PCDHGA12: variants seen among roughly 807,000 people sequenced by gnomAD.
PCDHGA12 encodes protocadherin gamma subfamily A, 12, also known as protocadherin gamma-A12.
Under a neutral mutation model 61.1 loss-of-function variants are expected in PCDHGA12, and 43 were observed. That is an observed-to-expected ratio of 0.70 (90% CI 0.55 to 0.91). The LOEUF is 0.91. Among genes scored for constraint, PCDHGA12 ranks in the 40% least tolerant of loss-of-function variants. PCDHGA12 has a pLI of 0.00. For missense variants in PCDHGA12, 1,236 were observed against 1,227.7 expected (o/e 1.01, Z -0.10); for synonymous variants, 520 against 542.9 (o/e 0.96, Z 0.59).
intron 1 of PCDHGA12, chr5:141,478,583 C>CT (rs754743497): frequency 5.7e-6 from 9 of 1,578,146 alleles, no homozygotes; most frequent in South Asian, 1.1e-5. Flanking sequence ...CCTGTTAGTG[C>CT]TTTTTTATTC....
At chr5:141,436,632 G>T (rs763510513) in intron 1 of PCDHGA12, among the ~76,000 whole-genome samples, 2 of 152,130 alleles carry the variant, frequency 1.3e-5, no homozygotes, top group Non-Finnish European at 2.9e-5. Context: ...TTCACAACAT[G>T]CAATTAATTA....
chr5:141,500,894 C>G (rs1221911920), intron 2 of PCDHGA12, among the ~76,000 whole-genome samples: 1 of 150,982 alleles, frequency 6.6e-6, no homozygotes, highest in African/African-American at 2.4e-5. Flanking sequence ...TTTTTTGAGA[C>G]AGTCTCGCTC....
Position 141,490,483 on chromosome 5 carries a change from G to A in PCDHGA12, c.2425-4324G>A. On this transcript the variant is annotated intron_variant, in intron 1 of 3. Transcript: ENST00000252085. The surrounding 1 kb of genome is among the most constrained non-coding windows in gnomAD (Gnocchi z 5.4). ...GCTAACCAGCCAGCCTTTGGACCGG[G>A]AGGCCACATCCCACTATATCATCGA... 2.5e-6 allele frequency: 4 copies of A among 1,614,198 alleles called. No individual in the cohort carries two copies. Among genetic ancestry groups the A allele is most frequent in the Non-Finnish European group, 3.4e-6 (4 of 1,180,046 alleles).
intron 1 of PCDHGA12, among the ~76,000 whole-genome samples, chr5:141,435,604 A>T (rs1361568996): frequency 6.6e-6 from 1 of 152,180 alleles, no homozygotes. Flanking sequence ...CCTGCTTTTT[A>T]CATTAAATTC....
In PCDHGA12 at chr5:141,511,421, G is replaced by A. The variant is rs1289887363; in HGVS notation, c.*248G>A. 19 of 829,148 alleles carry A rather than the reference G, an allele frequency of 2.3e-5. No individual in the cohort carries two copies. The highest frequency in any genetic ancestry group is 3.8e-4 in the Middle Eastern group (1 of 2,640). 51.4% of individuals were successfully genotyped at this position (829,148 alleles called of 1,614,324 possible). On this transcript the variant is annotated 3_prime_UTR_variant, in exon 4 of 4. Coordinates refer to ENST00000252085, the MANE Select transcript of PCDHGA12 (RefSeq NM_003735.3). The stretch of plus-strand genomic sequence containing the variant: ...CCAATCAACTGCTGTACCCATGGGG[G>A]TAGTGGGGTTACTGTAGACACCAAG...
rs777780708 is a variant in PCDHGA12, at chr5:141,489,934, G to C, written c.2425-4873G>C. ...AGGGACCACCCTTATCTCTGTCATC[G>C]TGCTGGACATCAATGATAATGCTCC... On this transcript the variant is annotated intron_variant, in intron 1 of 3. Transcript: ENST00000252085. The surrounding 1 kb of genome is among the most constrained non-coding windows in gnomAD (Gnocchi z 4.5). The C allele has an allele frequency of 1.4e-5, 23 of 1,614,176 alleles. No homozygotes were observed. Among genetic ancestry groups the C allele is most frequent in the Non-Finnish European group, 1.8e-5 (21 of 1,180,030 alleles).
Position 141,477,858 on chromosome 5 carries a change from C to T in PCDHGA12, c.2425-16949C>T. 2 of 1,613,572 alleles carry T rather than the reference C, an allele frequency of 1.2e-6. No individual in the cohort carries two copies. Among genetic ancestry groups the T allele is most frequent in the Non-Finnish European group, 1.7e-6 (2 of 1,179,842 alleles). ...GGTGGGAGCTCGGTGGAGATGCTGC[C>T]TCGAGGTACCTCAGCTGGCCACCTA... On this transcript the variant is annotated intron_variant, in intron 1 of 3. Transcript: ENST00000252085. This position sits in a 1 kb window ranked among gnomAD's most constrained non-coding sequence, Gnocchi z 4.9.
rs766638463 is a variant in PCDHGA12 at position 141,476,525 on chromosome 5, A to G, written c.2425-18282A>G. ...CAACGACAACAATCCTGCTTTCCCT[A>G]CCCAGGAAATGAAATTGGAGATTAG... On this transcript the variant is annotated intron_variant, in intron 1 of 3. Transcript: ENST00000252085. This position sits in a 1 kb window ranked among gnomAD's most constrained non-coding sequence, Gnocchi z 7.6. 6 of 1,613,950 alleles carry G rather than the reference A, an allele frequency of 3.7e-6. No homozygotes were observed. The African/African-American group carries it at 6.7e-5, about 18-fold the overall frequency.
chr5:141,472,979 T>TAAAA (rs2099307936), intron 1 of PCDHGA12, among the ~76,000 whole-genome samples: 1 of 21,094 alleles, frequency 4.7e-5, no homozygotes, highest in Non-Finnish European at 9.8e-5. Context: ...AGAGTGAAAC[T>TAAAA]CAAAAAAAAA....
At chr5:141,510,296 G>A (rs999749575) in intron 3 of PCDHGA12, among the ~76,000 whole-genome samples, 6 of 149,608 alleles carry the variant, frequency 4.0e-5, no homozygotes, top group African/African-American at 1.5e-4. Flanking sequence ...AAAAAATGCT[G>A]TTTTGAAATG....
chr5:141,432,615 T>G lies in PCDHGA12; in HGVS notation c.1856T>G (p.Val619Gly). ...GCCAGCGAGCCGGGACTCTTCTCGG[T>G]GGGTCTGCACACGGGCGAGGTGCGC... Reference protein sequence around the residue: ...LKASEPGLFSVGLHTGEVRTA... With the variant: ...LKASEPGLFSGGLHTGEVRTA... The change falls in exon 1 of 4, where the codon GTG (valine) becomes GGG (glycine). Residue 619 changes from valine to glycine, a missense_variant. Physicochemically the swap from Val to Gly is moderately radical, Grantham distance 109. Coordinates refer to ENST00000252085, the MANE Select transcript of PCDHGA12 (RefSeq NM_003735.3). The surrounding 1 kb of genome is among the most constrained non-coding windows in gnomAD (Gnocchi z 6.0). The G allele has an allele frequency of 2.5e-6, 4 of 1,613,820 alleles. No homozygotes were observed. The highest frequency in any genetic ancestry group is 1.1e-5 in the South Asian group (1 of 91,054).
chr5:141,464,622 CT>C (rs947370342), intron 1 of PCDHGA12, among the ~76,000 whole-genome samples: 8 of 152,058 alleles, frequency 5.3e-5, no homozygotes, highest in African/African-American at 1.9e-4. Flanking sequence ...TATTGTCAAG[CT>C]TTTTAATTGT....
At position 141,432,275 on chromosome 5, in the gene PCDHGA12, T is replaced by C. The variant is rs775413198; in HGVS notation, c.1516T>C (p.Ser506Pro). 2 of 1,614,232 alleles carry C rather than the reference T, an allele frequency of 1.2e-6. No homozygotes were observed. Among genetic ancestry groups the C allele is most frequent in the South Asian group, 2.2e-5 (2 of 91,086 alleles). The change falls in exon 1 of 4, where the codon TCC (serine) becomes CCC (proline). Residue 506 changes from serine (S) to proline (P), a missense_variant. Ser to Pro is a moderately conservative substitution (Grantham distance 74). Coordinates refer to ENST00000252085, the MANE Select transcript of PCDHGA12 (RefSeq NM_003735.3). This position sits in a 1 kb window ranked among gnomAD's most constrained non-coding sequence, Gnocchi z 6.0. ...AGGGGCAAGCCTATCGTCCTACGTG[T>C]CCATCAACTCCGACACTGGGGTACT... is the stretch of plus-strand genomic sequence containing the variant. ...IQGASLSSYV[S>P]INSDTGVLYA...
Position 141,511,381 on chromosome 5 carries a change from G to C in PCDHGA12, c.*208G>C. 8.5e-7 allele frequency: 1 copy of C among 1,170,380 alleles called. No individual in the cohort carries two copies. Among genetic ancestry groups the C allele is most frequent in the Non-Finnish European group, 1.2e-6 (1 of 854,768 alleles). 72.5% of individuals were successfully genotyped at this position (1,170,380 alleles called of 1,614,324 possible). On this transcript the variant is annotated 3_prime_UTR_variant, in exon 4 of 4. Coordinates refer to ENST00000252085, the MANE Select transcript of PCDHGA12 (RefSeq NM_003735.3). The stretch of plus-strand genomic sequence containing the variant: ...GGGTTGAATATGCAAAAGCAGTTCC[G>C]CTGGGAACCCCCATCCAATCAACTG...
chr5:141,489,174 C>A lies in PCDHGA12; in HGVS notation c.2425-5633C>A. On this transcript the variant is annotated intron_variant, in intron 1 of 3. Coordinates refer to ENST00000252085, the MANE Select transcript of PCDHGA12 (RefSeq NM_003735.3). The surrounding 1 kb of genome is among the most constrained non-coding windows in gnomAD (Gnocchi z 4.5). ...ATAAGAGACTTCAGCTGCTGCATTC[C>A]AAGCCCTGGGTCTACCTTGGAGACA... The A allele has an allele frequency of 8.2e-7, 1 of 1,224,772 alleles. No individual in the cohort carries two copies. 75.9% of individuals were successfully genotyped at this position (1,224,772 alleles called of 1,614,324 possible).
Position 141,485,089 on chromosome 5 carries a change from G to A in PCDHGA12, c.2425-9718G>A. The stretch of plus-strand genomic sequence containing the variant: ...GAGCTGGCGCGGGGAAAGGGAGATA[G>A]GTGTCTCCAGCTGCTGTGGCTGTTT... On this transcript the variant is annotated intron_variant, in intron 1 of 3. Coordinates refer to ENST00000252085, the MANE Select transcript of PCDHGA12 (RefSeq NM_003735.3). This position sits in a 1 kb window ranked among gnomAD's most constrained non-coding sequence, Gnocchi z 5.7. 1 of 1,027,236 alleles carries A rather than the reference G, an allele frequency of 9.7e-7. No homozygotes were observed. The highest frequency in any genetic ancestry group is 1.5e-6 in the Non-Finnish European group (1 of 674,564). 63.6% of individuals were successfully genotyped at this position (1,027,236 alleles called of 1,614,324 possible). A position where few individuals can be genotyped will look rare whatever the true frequency, so the allele number is the denominator to read the frequency against.
intron 1 of PCDHGA12, among the ~76,000 whole-genome samples, chr5:141,434,451 A>C (rs145324240): frequency 6.6e-6 from 1 of 152,210 alleles, no homozygotes; most frequent in Non-Finnish European, 1.5e-5. Context: ...GCTGGAAGGT[A>C]GTGGGTTTAC....
chr5:141,457,798 C>T (rs1233396158), intron 1 of PCDHGA12, among the ~76,000 whole-genome samples: 5 of 152,194 alleles, frequency 3.3e-5, no homozygotes, highest in African/African-American at 9.6e-5. Context: ...GTTATCCTCT[C>T]CTCTTGAGGT....
chr5:141,467,625 T>C (rs1407031447), intron 1 of PCDHGA12, among the ~76,000 whole-genome samples: 1 of 152,202 alleles, frequency 6.6e-6, no homozygotes, highest in African/African-American at 2.4e-5. Flanking sequence ...TGATTTGAGA[T>C]AGCATCTTTA....
Sources: gnomAD v4.1 joint callset for allele counts (sites outside exome capture counted in the v4.1 genomes callset) on GRCh38, gnomAD v4.1.1 for gene constraint, Gnocchi (gnomAD v3.1) non-coding constraint, MANE v1.5 for transcripts, NCBI Gene and HGNC (gene_info 2026-07-23, HGNC 2026-07-21) for gene names.